The following BIRC6 variants were observed in gnomAD, a reference collection of about 807,000 sequenced individuals.
BIRC6 encodes the protein dual E2 ubiquitin-conjugating enzyme/E3 ubiquitin-protein ligase BIRC6.
BIRC6 carries 98 observed loss-of-function variants against 503.3 expected under a neutral mutation model. The ratio of observed to expected loss-of-function variants is 0.19; its 90% CI spans 0.17 to 0.23. The LOEUF is 0.23. Ranked by LOEUF, BIRC6 falls within the 10% of genes least tolerant of loss-of-function variation. The pLI, the probability that BIRC6 is intolerant of heterozygous loss-of-function variation, is 1.00. For synonymous variants in BIRC6, 2,240 were observed against 2,078.7 expected, an observed-to-expected ratio of 1.08 and a Z score of -2.11; for missense variants, 5,360 against 5,806.0, an observed-to-expected ratio of 0.92 and a Z score of 2.50.
Position 32,377,642 on chromosome 2 carries a change from T to C in BIRC6, c.380T>C (p.Ile127Thr). 1 of 1,613,534 alleles carries C rather than the reference T, an allele frequency of 6.2e-7. No homozygotes were observed. ...TATATCTCTGCTGTGGATAAAGTTA[T>C]ATTTGTGGATGATTATGCAGTAGGG... ...CQYISAVDKVIFVDDYAVGCR... is the reference protein window; with the variant it reads ...CQYISAVDKVTFVDDYAVGCR... Residue 127 changes from isoleucine to threonine, a missense_variant, in exon 2 of 74, where the codon ATA (isoleucine) becomes ACA (threonine). By Grantham distance (89) the Ile-to-Thr change is moderately conservative (BLOSUM62 -1). Coordinates refer to ENST00000421745, the MANE Select transcript of BIRC6 (RefSeq NM_016252.4).
intron 32 of BIRC6, among the ~76,000 whole-genome samples, 179 bp downstream of exon 32, chr2:32,471,303 A>T (rs1055503805): frequency 3.3e-5 from 5 of 152,236 alleles, no homozygotes; most frequent in Non-Finnish European, 7.3e-5. Context: ...GATAACATTT[A>T]TACTTGGTGG....
At chr2:32,448,970 C>T in intron 22 of BIRC6, 42 bp downstream of exon 22, 1 of 1,575,092 alleles carries the variant, frequency 6.3e-7, no homozygotes, top group Non-Finnish European at 8.6e-7. Flanking sequence ...AATGTTGTAT[C>T]TTGGATTTAA....
chr2:32,474,569 G>A (rs980505730), intron 33 of BIRC6, among the ~76,000 whole-genome samples: 5 of 152,178 alleles, frequency 3.3e-5, no homozygotes, highest in Non-Finnish European at 7.4e-5. Flanking sequence ...GGTTGTAACT[G>A]TGATTTGTAG....
At chr2:32,610,438 A>G (rs1235871270) in intron 72 of BIRC6, among the ~76,000 whole-genome samples, 1 of 152,238 alleles carries the variant, frequency 6.6e-6, no homozygotes, top group Non-Finnish European at 1.5e-5. Context: ...AACTTCCTAA[A>G]ATAAAATCCC....
chr2:32,457,909 C>T (rs984691268), intron 23 of BIRC6, among the ~76,000 whole-genome samples: 1 of 151,884 alleles, frequency 6.6e-6, no homozygotes, highest in African/African-American at 2.4e-5. Flanking sequence ...TTTTTCTTTG[C>T]CAAAATACTT....
intron 65 of BIRC6, among the ~76,000 whole-genome samples, chr2:32,569,706 A>G (rs529700445): frequency 3.3e-5 from 5 of 150,844 alleles, no homozygotes; most frequent in African/African-American, 1.2e-4. Context: ...TGTAAATGAG[A>G]TTGCTTTCTT....
chr2:32,459,418 T>C (rs372871307), intron 23 of BIRC6, among the ~76,000 whole-genome samples: 66 of 151,876 alleles, frequency 4.3e-4, no homozygotes, highest in Admixed American at 1.9e-3. Flanking sequence ...TTTTTTGTTT[T>C]TGTTTTTTGG....
At chr2:32,431,160 C>G in intron 12 of BIRC6, 70 bp downstream of exon 12, 2 of 479,100 alleles carry the variant, frequency 4.2e-6, no homozygotes, top group East Asian at 5.5e-5. Flanking sequence ...ACGTAGAATT[C>G]CTAGGTATAT....
At position 32,503,084 on chromosome 2, in the gene BIRC6, G is replaced by T; in HGVS notation, c.9347G>T (p.Arg3116Met). The part of the protein sequence containing the change: ...LICNNMVTST[R>M]AIVNTARSMV... ...TGCAATAATATGGTTACTAGTACAA[G>T]GGCTATTGTGAACACTGCAAGAAGT... The change falls in exon 49 of 74, where the codon AGG becomes ATG. Residue 3116 changes from arginine to methionine, a missense_variant. Around this residue, in one of 16 missense-constraint regions of BIRC6, gnomAD observed 267 missense variants for 287.6 expected, o/e 0.93. Transcript: ENST00000421745. 6.2e-7 allele frequency: 1 copy of T among 1,609,396 alleles called. No individual in the cohort carries two copies. The highest frequency in any genetic ancestry group is 8.5e-7 in the Non-Finnish European group (1 of 1,177,640).
At chr2:32,399,830 C>G (rs1443453627) in intron 6 of BIRC6, among the ~76,000 whole-genome samples, 1 of 151,932 alleles carries the variant, frequency 6.6e-6, no homozygotes, top group Admixed American at 6.6e-5. Context: ...CTCTGTTGCT[C>G]AGGCTGGAGT....
At chr2:32,530,462 C>T (rs529036226) in intron 60 of BIRC6, among the ~76,000 whole-genome samples, 1 of 152,290 alleles carries the variant, frequency 6.6e-6, no homozygotes, top group Non-Finnish European at 1.5e-5. Context: ...CTGCCCGCTT[C>T]GGCCTCACAA....
At chr2:32,447,016 C>T (rs2046051966) in intron 21 of BIRC6, among the ~76,000 whole-genome samples, 1 of 122,044 alleles carries the variant, frequency 8.2e-6, no homozygotes, top group East Asian at 2.3e-4. Context: ...CGCCCTTAAT[C>T]CATTTAACCC....
At chr2:32,596,607 T>A (rs1375854055) in intron 68 of BIRC6, among the ~76,000 whole-genome samples, 1 of 151,974 alleles carries the variant, frequency 6.6e-6, no homozygotes, top group Non-Finnish European at 1.5e-5. Context: ...CAGCCAACAC[T>A]CAAGGGGAGG....
chr2:32,377,107 A>G (rs1573762467), intron 1 of BIRC6, among the ~76,000 whole-genome samples: 1 of 152,188 alleles, frequency 6.6e-6, no homozygotes, highest in African/African-American at 2.4e-5. Flanking sequence ...ACTTACAGAA[A>G]AATTGCAAGA....
intron 61 of BIRC6, among the ~76,000 whole-genome samples, chr2:32,539,385 A>G (rs1188384404): frequency 6.6e-6 from 1 of 152,226 alleles, no homozygotes; most frequent in East Asian, 1.9e-4. Flanking sequence ...TTTACCAACT[A>G]CAGGATGTAC....
Position 32,499,532 on chromosome 2 carries a change from T to G in BIRC6, c.8469-15T>G, listed in dbSNP as rs2052904885. 1 of 1,557,988 alleles carries G rather than the reference T, an allele frequency of 6.4e-7. No homozygotes were observed. Among genetic ancestry groups the G allele is most frequent in the African/African-American group, 1.4e-5 (1 of 72,884 alleles). On this transcript the variant is annotated splice_polypyrimidine_tract_variant and intron_variant, in intron 45 of 73. Transcript: ENST00000421745. ...CTCTCTCTCTTTTTCTGTCTCTCTC[T>G]CTCTCTCTCTGCAGGGGTGCTTTCC...
intron 3 of BIRC6, among the ~76,000 whole-genome samples, chr2:32,386,013 C>T (rs375614700): frequency 7.2e-5 from 11 of 152,156 alleles, no homozygotes; most frequent in South Asian, 4.1e-4. Flanking sequence ...CTGGTTTGCA[C>T]CTTACTCAGG....
chr2:32,617,787 T>G lies in BIRC6; in HGVS notation c.14457T>G (p.Pro4819=). 5.0e-6 allele frequency: 8 copies of G among 1,614,034 alleles called. No homozygotes were observed. The highest frequency in any genetic ancestry group is 1.3e-5 in the African/African-American group (1 of 75,068). Residue 4819 remains proline (P), a synonymous_variant, in exon 74 of 74, where the codon CCT becomes CCG. Transcript: ENST00000421745. Reference sequence around the variant, plus strand: ...TTCCCTGCCCTGAAGGCTTGGATCCTGACACTGACGATGCCCCAGAGGTGT... The same window carrying G: ...TTCCCTGCCCTGAAGGCTTGGATCCGGACACTGACGATGCCCCAGAGGTGT... The part of the protein sequence containing the change: ...LKLPCPEGLD[P]DTDDAPEVCR...
At chr2:32,457,767 A>C (rs902667849) in intron 23 of BIRC6, among the ~76,000 whole-genome samples, 1 of 152,030 alleles carries the variant, frequency 6.6e-6, no homozygotes, top group African/African-American at 2.4e-5. Flanking sequence ...TTTTGTACTT[A>C]TCTACTGATG....
Sources: gnomAD v4.1 joint callset for allele counts (sites outside exome capture counted in the v4.1 genomes callset) on GRCh38, gnomAD v4.1.1 for gene constraint, gnomAD v4.1.1 regional missense constraint, MANE v1.5 for transcripts, NCBI Gene and HGNC (gene_info 2026-07-23, HGNC 2026-07-21) for gene names.